The following NR3C2 variants were observed in gnomAD, a reference collection of about 807,000 sequenced individuals.
NR3C2 encodes the protein nuclear receptor subfamily 3 group C member 2.
Under a neutral mutation model 86.4 loss-of-function variants are expected in NR3C2, and 15 were observed. The ratio of observed to expected loss-of-function variants is 0.17; its 90% confidence interval spans 0.12 to 0.27. The LOEUF is 0.27. Ranked by LOEUF, NR3C2 falls within the 10% of genes least tolerant of loss-of-function variation. NR3C2 has a pLI of 1.00. For missense variants in NR3C2, 960 were observed against 1,195.6 expected, an observed-to-expected ratio of 0.80 and a Z score of 2.91; for synonymous variants, 458 against 450.5, an observed-to-expected ratio of 1.02 and a Z score of -0.21.
intron 2 of NR3C2, among the ~76,000 whole-genome samples, chr4:148,292,104 C>CT (rs756368405): frequency 7.8e-4 from 115 of 148,258 alleles, no homozygotes; most frequent in East Asian, 1.6e-3. Context: ...GATTGTATTT[C>CT]TTTTTTTTTT....
chr4:148,095,281 G>C (rs1453013863), intron 8 of NR3C2, among the ~76,000 whole-genome samples: 2 of 152,260 alleles, frequency 1.3e-5, no homozygotes, highest in Non-Finnish European at 2.9e-5. Flanking sequence ...ATGGGCCCCT[G>C]AGCCATGTGG....
At chr4:148,333,976 T>C (rs1195193572) in intron 2 of NR3C2, among the ~76,000 whole-genome samples, 1 of 152,216 alleles carries the variant, frequency 6.6e-6, no homozygotes, top group Non-Finnish European at 1.5e-5. Context: ...ATTTAAAATT[T>C]ATTTTCAACT....
At chr4:148,319,357 T>G (rs932904367) in intron 2 of NR3C2, among the ~76,000 whole-genome samples, 1 of 152,160 alleles carries the variant, frequency 6.6e-6, no homozygotes, top group Admixed American at 6.5e-5. Context: ...CTTGGCGATG[T>G]GGGCTCTTTT....
At chr4:148,083,948 T>G (rs1302133236) in intron 8 of NR3C2, among the ~76,000 whole-genome samples, 3 of 151,148 alleles carry the variant, frequency 2.0e-5, no homozygotes, top group African/African-American at 7.3e-5. Flanking sequence ...CTCAAAGGAA[T>G]AAAGCAAGAA....
chr4:148,439,569 G>A (rs960606855), intron 1 of NR3C2, among the ~76,000 whole-genome samples: 2 of 151,866 alleles, frequency 1.3e-5, no homozygotes, highest in Non-Finnish European at 2.9e-5. Context: ...GTGTCTGAAG[G>A]GGACCCCCAC....
intron 2 of NR3C2, among the ~76,000 whole-genome samples, chr4:148,375,434 C>G (rs191859788): frequency 0.013 from 1,859 of 148,414 alleles, 38 homozygotes; most frequent in African/African-American, 0.043. Context: ...CTGGCCTGGG[C>G]GACAGAGCAA....
chr4:148,083,708 A>G (rs185926583), intron 8 of NR3C2, among the ~76,000 whole-genome samples: 137 of 152,318 alleles, frequency 9.0e-4, no homozygotes, highest in Non-Finnish European at 1.6e-3. Context: ...TGACAGAAGT[A>G]GGCTTCAGAA....
At chr4:148,409,518 A>C (rs547931235) in intron 2 of NR3C2, among the ~76,000 whole-genome samples, 1 of 152,098 alleles carries the variant, frequency 6.6e-6, no homozygotes, top group Admixed American at 6.5e-5. Context: ...TTTTAAACCT[A>C]AACTTCACCT....
intron 5 of NR3C2, 45 bp downstream of exon 5, chr4:148,154,503 GACT>G: frequency 6.3e-7 from 1 of 1,579,020 alleles, no homozygotes; most frequent in Non-Finnish European, 8.7e-7. Flanking sequence ...CAGTTGCCCA[GACT>G]TGTTAAGTTC....
intron 1 of NR3C2, among the ~76,000 whole-genome samples, chr4:148,437,094 T>A (rs1484207096): frequency 1.3e-5 from 2 of 152,244 alleles, no homozygotes; most frequent in Non-Finnish European, 2.9e-5. Context: ...GTTTTGGATC[T>A]AAATAAAAGT....
intron 3 of NR3C2, among the ~76,000 whole-genome samples, chr4:148,199,435 A>T (rs1736605698): frequency 6.6e-6 from 1 of 152,144 alleles, no homozygotes; most frequent in Admixed American, 6.5e-5. Context: ...GAAAGTTATA[A>T]CTTCCTTGTA....
At chr4:148,120,414 A>C in intron 6 of NR3C2, 126 bp from the exon 7 acceptor site, 1 of 1,126,576 alleles carries the variant, frequency 8.9e-7, no homozygotes, top group Non-Finnish European at 1.3e-6. Context: ...CATGGAGCAG[A>C]TGTGTATTTT....
chr4:148,380,681 T>C (rs1456060613), intron 2 of NR3C2, among the ~76,000 whole-genome samples: 1 of 152,208 alleles, frequency 6.6e-6, no homozygotes, highest in Non-Finnish European at 1.5e-5. Flanking sequence ...TGCATCTCCC[T>C]GTGACTAATG....
chr4:148,194,921 T>C, intron 3 of NR3C2, 59 bp from the exon 4 acceptor site: 3 of 1,163,864 alleles, frequency 2.6e-6, no homozygotes, highest in Admixed American at 1.7e-5. Context: ...AAAACATTAA[T>C]ATGTATACTC....
At chr4:148,294,842 G>A (rs1741969334) in intron 2 of NR3C2, among the ~76,000 whole-genome samples, 1 of 151,952 alleles carries the variant, frequency 6.6e-6, no homozygotes, top group South Asian at 2.1e-4. Flanking sequence ...TAAAAAGTCA[G>A]CAGGGTGTGG....
chr4:148,081,523 TG>T (rs1336840742), intron 8 of NR3C2, 24 bp from the exon 9 acceptor site: 1 of 1,613,884 alleles, frequency 6.2e-7, no homozygotes. Context: ...ACAGGGGGCA[TG>T]ACACGGGGGC....
chr4:148,212,857 C>T (rs1423782627), intron 3 of NR3C2, among the ~76,000 whole-genome samples: 1 of 152,146 alleles, frequency 6.6e-6, no homozygotes, highest in Non-Finnish European at 1.5e-5. Flanking sequence ...ATGTGATAGG[C>T]ATCGTGTTTA....
At chr4:148,103,248 C>T (rs374660510) in intron 8 of NR3C2, among the ~76,000 whole-genome samples, 5 of 152,192 alleles carry the variant, frequency 3.3e-5, no homozygotes, top group African/African-American at 1.2e-4. Flanking sequence ...CCGTATCACA[C>T]CACCTTTCAT....
intron 3 of NR3C2, among the ~76,000 whole-genome samples, chr4:148,203,988 A>G (rs774249629): frequency 1.1e-4 from 16 of 152,238 alleles, no homozygotes; most frequent in Non-Finnish European, 1.0e-4. Flanking sequence ...AAGTCAGATT[A>G]GCATTATTTT....
Sources: gnomAD v4.1 joint callset for allele counts (sites outside exome capture counted in the v4.1 genomes callset) on GRCh38, gnomAD v4.1.1 for gene constraint, MANE v1.5 for transcripts, NCBI Gene and HGNC (gene_info 2026-07-23, HGNC 2026-07-21) for gene names.